Variants in FIG4 observed in about 807,000 individuals in gnomAD.
FIG4 encodes FIG4 phosphoinositide 5-phosphatase.
Under a neutral mutation model 118.6 loss-of-function variants are expected in FIG4, and 112 were observed. The observed-to-expected ratio is 0.94, with a 90% CI of 0.81 to 1.11. FIG4 has a LOEUF of 1.11. FIG4 is among the 50% of genes least tolerant of loss of function. The pLI is 0.00. For synonymous variants in FIG4, 369 were observed against 381.2 expected, an observed-to-expected ratio of 0.97 and a Z score of 0.37; for missense variants, 969 against 1,111.7, an observed-to-expected ratio of 0.87 and a Z score of 1.83.
At chr6:109,750,178 G>T (rs1355752329) in intron 10 of FIG4, among the ~76,000 whole-genome samples, 2 of 152,200 alleles carry the variant, frequency 1.3e-5, no homozygotes, top group African/African-American at 4.8e-5. Flanking sequence ...TCCCAGTTGT[G>T]AAAGTTTGAG....
At chr6:109,821,849 C>T (rs1425446989) in intron 22 of FIG4, among the ~76,000 whole-genome samples, 1 of 152,158 alleles carries the variant, frequency 6.6e-6, no homozygotes, top group Non-Finnish European at 1.5e-5. Flanking sequence ...ACTCTACAAC[C>T]CAGATTCTTC....
intron 16 of FIG4, among the ~76,000 whole-genome samples, chr6:109,780,602 A>G (rs1023862935): frequency 6.6e-6 from 1 of 152,190 alleles, no homozygotes; most frequent in African/African-American, 2.4e-5. Flanking sequence ...AAACTTAGAT[A>G]ATGTGACTTA....
At chr6:109,726,720 T>C (rs935462131) in intron 3 of FIG4, among the ~76,000 whole-genome samples, 1 of 152,200 alleles carries the variant, frequency 6.6e-6, no homozygotes, top group Non-Finnish European at 1.5e-5. Context: ...TTCACAATAT[T>C]GATTCTTCTT....
At chr6:109,800,740 A>T (rs972352620) in intron 22 of FIG4, among the ~76,000 whole-genome samples, 9 of 152,134 alleles carry the variant, frequency 5.9e-5, no homozygotes, top group Admixed American at 2.0e-4. Context: ...TCAAGGGGGC[A>T]TCCTTGAACA....
At chr6:109,797,017 G>T (rs1171845575) in intron 22 of FIG4, among the ~76,000 whole-genome samples, 166 bp downstream of exon 22, 1 of 152,198 alleles carries the variant, frequency 6.6e-6, no homozygotes, top group Admixed American at 6.5e-5. Flanking sequence ...GTCTCTGAGG[G>T]ATAGGGAAGA....
At chr6:109,763,876 A>G in intron 12 of FIG4, 61 bp from the exon 13 acceptor site, 2 of 1,091,644 alleles carry the variant, frequency 1.8e-6, no homozygotes, top group South Asian at 1.3e-5. Flanking sequence ...AGGATCTGGT[A>G]CTGAAAATAA....
rs1404591492 is a variant in FIG4 at position 109,766,813 on chromosome 6, C to T, written c.1668C>T (p.Thr556=). 2 of 1,613,726 alleles carry T rather than the reference C, an allele frequency of 1.2e-6. No individual in the cohort carries two copies. Among genetic ancestry groups the T allele is most frequent in the Non-Finnish European group, 1.7e-6 (2 of 1,179,858 alleles). ...GGSQLVHRVK[T]YRKIAPWTQH... The stretch of plus-strand genomic sequence containing the variant: ...CTCAACTTGTTCATCGTGTGAAAAC[C>T]TACAGAAAGATAGCACCATGGACCC... The change falls in exon 15 of 23, where the codon ACC becomes ACT. Residue 556 remains threonine (T), a synonymous_variant. Transcript: ENST00000230124.
intron 11 of FIG4, among the ~76,000 whole-genome samples, 168 bp downstream of exon 11, chr6:109,760,551 T>C (rs1777072607): frequency 6.6e-6 from 1 of 152,236 alleles, no homozygotes; most frequent in East Asian, 1.9e-4. Context: ...CATTTTTTTT[T>C]CTTTTTGCCT....
At position 109,713,360 on chromosome 6, in the gene FIG4, A is replaced by G. The variant is rs575832932; in HGVS notation, c.67-1718A>G. On this transcript the variant is annotated intron_variant, in intron 1 of 22. Transcript: ENST00000230124. ...GACTGTGCATGCAGTCATCATGGTG[A>G]TCCTGTTAGCACAGGGGCAGGGCAC... Among the ~76,000 whole-genome samples the G allele has an allele frequency of 1.1e-3, 168 of 152,264 alleles. 2 individuals are homozygous for G. The highest frequency in any genetic ancestry group is 1.6e-3 in the Non-Finnish European group (110 of 68,010).
chr6:109,796,392 T>C (rs1285953936), intron 21 of FIG4, among the ~76,000 whole-genome samples: 1 of 152,212 alleles, frequency 6.6e-6, no homozygotes, highest in Non-Finnish European at 1.5e-5. Flanking sequence ...CCATGCTTCC[T>C]GCATTCCACG....
rs1439788451 is a variant in FIG4 at position 109,792,593 on chromosome 6, A to G, written c.2388A>G (p.Gln796=). The change falls in exon 21 of 23, where the codon CAA becomes CAG. Residue 796 remains glutamine (Q), a synonymous_variant. Coordinates refer to ENST00000230124, the MANE Select transcript of FIG4 (RefSeq NM_014845.6). ...TTTTTAAACCCCAGAATGTGGTCCAACCCATGAAGGAGCTATATGGAATTA... is the reference window on the plus strand; with the variant it reads ...TTTTTAAACCCCAGAATGTGGTCCAGCCCATGAAGGAGCTATATGGAATTA... ...DSAKVTENVV[Q]PMKELYGINL... 1.0e-5 allele frequency: 16 copies of G among 1,599,044 alleles called. No homozygotes were observed. Among genetic ancestry groups the G allele is most frequent in the Middle Eastern group, 3.3e-4 (2 of 6,054 alleles).
At chr6:109,749,403 G>A (rs1776616229) in intron 10 of FIG4, among the ~76,000 whole-genome samples, 2 of 151,824 alleles carry the variant, frequency 1.3e-5, no homozygotes, top group South Asian at 4.1e-4. Flanking sequence ...ATACATAATT[G>A]CAAATTTAAA....
intron 6 of FIG4, among the ~76,000 whole-genome samples, chr6:109,735,871 G>A (rs1015687204): frequency 1.3e-5 from 2 of 151,902 alleles, no homozygotes; most frequent in African/African-American, 2.4e-5. Context: ...GTCAGAGGTC[G>A]TTATTACTTT....
At chr6:109,772,400 A>G (rs1417664713) in intron 15 of FIG4, among the ~76,000 whole-genome samples, 1 of 152,150 alleles carries the variant, frequency 6.6e-6, no homozygotes, top group African/African-American at 2.4e-5. Flanking sequence ...CATGAACTCC[A>G]GACTCATTTA....
At chr6:109,774,219 G>A (rs916899882) in intron 15 of FIG4, among the ~76,000 whole-genome samples, 1 of 152,146 alleles carries the variant, frequency 6.6e-6, no homozygotes, top group Non-Finnish European at 1.5e-5. Context: ...TGTATATTTA[G>A]GGGAACATGA....
rs1778038016 is a variant in FIG4, at chr6:109,788,180, G to T, written c.2097-1414G>T. ...TACATATTCAAGTTACTATGGGTTT[G>T]TCAGGATGTAACCCCCATTCTAAGT... On this transcript the variant is annotated intron_variant, in intron 18 of 22. Transcript: ENST00000230124. Among the ~76,000 whole-genome samples the T allele has an allele frequency of 2.0e-5, 3 of 152,140 alleles. No individual in the cohort carries two copies. The South Asian group carries it at 6.2e-4, about 32-fold the overall frequency.
chr6:109,706,576 C>G (rs1775073129), intron 1 of FIG4, among the ~76,000 whole-genome samples: 2 of 152,330 alleles, frequency 1.3e-5, no homozygotes, highest in Admixed American at 6.5e-5. Flanking sequence ...GGGCTACTCT[C>G]TGTTTTCCTC....
chr6:109,824,406 A>G (rs1265582277), intron 22 of FIG4, among the ~76,000 whole-genome samples: 1 of 152,186 alleles, frequency 6.6e-6, no homozygotes, highest in Non-Finnish European at 1.5e-5. Flanking sequence ...ATTCACGGGA[A>G]GTGGGGGTGA....
intron 4 of FIG4, among the ~76,000 whole-genome samples, chr6:109,729,860 G>A (rs1286454036): frequency 6.6e-6 from 1 of 151,418 alleles, no homozygotes; most frequent in Non-Finnish European, 1.5e-5. Flanking sequence ...CCACACACTA[G>A]CAGTAACGAA....
Sources: allele counts gnomAD v4.1 joint callset (sites outside exome capture counted in the v4.1 genomes callset), GRCh38; gene constraint gnomAD v4.1.1; transcripts MANE v1.5; gene names NCBI Gene and HGNC (gene_info 2026-07-23, HGNC 2026-07-21).